Variants in PTPN5 observed in about 807,000 individuals in gnomAD.
The protein encoded by PTPN5 is protein tyrosine phosphatase non-receptor type 5, also known as tyrosine-protein phosphatase non-receptor type 5.
In PTPN5, 29 loss-of-function variants were observed where a neutral mutation model predicts 73.9. That is an observed-to-expected ratio of 0.39 (90% CI 0.29 to 0.54). The LOEUF is 0.54. Among genes scored for constraint, PTPN5 ranks in the 20% least tolerant of loss-of-function variants. PTPN5 has a pLI of 0.65. For missense variants in PTPN5, 652 were observed against 751.4 expected (o/e 0.87, Z 1.55); for synonymous variants, 267 against 304.7 (o/e 0.88, Z 1.29).
chr11:18,785,928 A>G lies in PTPN5; in HGVS notation c.-114+5597T>C, dbSNP rs142295629. Among the ~76,000 whole-genome samples the G allele has an allele frequency of 6.1e-3, 934 of 152,314 alleles. 3 individuals carry two copies. The highest frequency in any genetic ancestry group is 0.02 in the Middle Eastern group (6 of 294). ...CTTGTTCCCTTACAAATCTGCAAAC[A>G]GTGGATCTCCCGCATCTGGTGTGAG... On this transcript the variant is annotated intron_variant, in intron 1 of 14. Coordinates refer to ENST00000358540, the MANE Select transcript of PTPN5 (RefSeq NM_006906.2).
chr11:18,772,126 G>A (rs898079442), intron 1 of PTPN5, 55 bp from the exon 2 acceptor site: 34 of 552,970 alleles, frequency 6.1e-5, no homozygotes, highest in Admixed American at 2.1e-4. Context: ...CACACAGTGT[G>A]CCAACAATTT....
At chr11:18,769,892 C>A (rs1850801013) in intron 2 of PTPN5, among the ~76,000 whole-genome samples, 1 of 152,092 alleles carries the variant, frequency 6.6e-6, no homozygotes, top group Admixed American at 6.6e-5. Flanking sequence ...GGCACGTGGG[C>A]AAGAAGCAGC....
At chr11:18,739,046 C>T (rs563671328) in intron 8 of PTPN5, among the ~76,000 whole-genome samples, 2 of 152,128 alleles carry the variant, frequency 1.3e-5, no homozygotes, top group East Asian at 3.9e-4. Flanking sequence ...ACTCTCCATG[C>T]CTCTTGCCTC....
At chr11:18,786,241 C>A (rs1168471888) in intron 1 of PTPN5, among the ~76,000 whole-genome samples, 4 of 151,542 alleles carry the variant, frequency 2.6e-5, no homozygotes, top group African/African-American at 9.7e-5. Flanking sequence ...CTCGCTCTTT[C>A]GCCCAGGCTG....
chr11:18,786,314 T>A (rs1851667412), intron 1 of PTPN5, among the ~76,000 whole-genome samples: 1 of 152,138 alleles, frequency 6.6e-6, no homozygotes, highest in Non-Finnish European at 1.5e-5. Context: ...GCCATTCTCC[T>A]GCCTCAGCCT....
At chr11:18,743,773 T>A (rs1032367959) in intron 4 of PTPN5, 1 of 581,044 alleles carries the variant, frequency 1.7e-6, no homozygotes, top group Non-Finnish European at 3.0e-6. Context: ...GGAGGCCCTG[T>A]GTTCTGGATT....
chr11:18,738,217 T>C (rs914430649), intron 8 of PTPN5, among the ~76,000 whole-genome samples: 4 of 152,176 alleles, frequency 2.6e-5, no homozygotes, highest in African/African-American at 9.7e-5. Flanking sequence ...AGACAGTCAA[T>C]AAATAGCTGA....
intron 9 of PTPN5, among the ~76,000 whole-genome samples, chr11:18,736,948 G>A (rs576217125): frequency 2.4e-4 from 36 of 152,244 alleles, no homozygotes; most frequent in East Asian, 9.6e-4. Flanking sequence ...TTGTTTAACC[G>A]GAACTACCTA....
chr11:18,762,789 T>C (rs530837884), intron 3 of PTPN5, among the ~76,000 whole-genome samples: 56 of 152,300 alleles, frequency 3.7e-4, no homozygotes, highest in South Asian at 2.7e-3. Context: ...TGCTATATTG[T>C]GAATGGGGGG....
Position 18,742,984 on chromosome 11 carries a change from C to T in PTPN5, c.483+8G>A, listed in dbSNP as rs1407352478. ...CAGCCTTGAGGTTGGGGTCAGGAGG[C>T]GCCTTACCAGGGTGGTAACGAGGAC... On this transcript the variant is annotated splice_region_variant and intron_variant, in intron 6 of 14. Coordinates refer to ENST00000358540, the MANE Select transcript of PTPN5 (RefSeq NM_006906.2). This position sits in a 1 kb window ranked among gnomAD's most constrained non-coding sequence, Gnocchi z 4.1. The T allele has an allele frequency of 1.0e-5, 16 of 1,543,346 alleles. No individual in the cohort carries two copies. Among genetic ancestry groups the T allele is most frequent in the East Asian group, 2.4e-5 (1 of 40,868 alleles).
At chr11:18,756,186 T>C (rs1850125066) in intron 3 of PTPN5, among the ~76,000 whole-genome samples, 1 of 152,064 alleles carries the variant, frequency 6.6e-6, no homozygotes. Context: ...GCTTCTCATC[T>C]GTATTTTAAA....
rs372302575 is a variant in PTPN5, at chr11:18,733,228, T to A, written c.1218+7A>T. ...CAGACACTTAGAATGGGGACGGGGG[T>A]CCCTACCTCGTTCATCTCCTCGATG... On this transcript the variant is annotated splice_region_variant and intron_variant, in intron 11 of 14. Coordinates refer to ENST00000358540, the MANE Select transcript of PTPN5 (RefSeq NM_006906.2). This position sits in a 1 kb window ranked among gnomAD's most constrained non-coding sequence, Gnocchi z 4.3. The A allele has an allele frequency of 1.7e-4, 274 of 1,608,850 alleles. 1 individual carries two copies. The South Asian group carries it at 1.7e-3, about 10-fold the overall frequency.
chr11:18,783,418 C>T (rs948659085), intron 1 of PTPN5, among the ~76,000 whole-genome samples: 4 of 152,240 alleles, frequency 2.6e-5, no homozygotes, highest in Non-Finnish European at 4.4e-5. Context: ...AAAATACTCA[C>T]CTGACCCCTG....
chr11:18,781,639 G>A (rs1320853482), intron 1 of PTPN5, among the ~76,000 whole-genome samples: 1 of 151,970 alleles, frequency 6.6e-6, no homozygotes, highest in Admixed American at 6.5e-5. Flanking sequence ...TCCAGGGGGT[G>A]GTTCAGAATA....
chr11:18,769,323 C>T lies in PTPN5; in HGVS notation c.20+2616G>A, dbSNP rs181688255. ...ATGCATGTGACCATCCTGGGGAAGG[C>T]TCTGCTCATTTGTGGGAGGGGCAAG... On this transcript the variant is annotated intron_variant, in intron 2 of 14. Coordinates refer to ENST00000358540, the MANE Select transcript of PTPN5 (RefSeq NM_006906.2). Among the ~76,000 whole-genome samples, 1,202 of 152,238 alleles carry T rather than the reference C, an allele frequency of 7.9e-3. 12 individuals are homozygous for T. Among genetic ancestry groups the T allele is most frequent in the Non-Finnish European group, 9.2e-3 (624 of 68,024 alleles).
intron 2 of PTPN5, among the ~76,000 whole-genome samples, chr11:18,766,692 A>T (rs1850659977): frequency 1.3e-5 from 2 of 152,148 alleles, no homozygotes; most frequent in African/African-American, 4.8e-5. Flanking sequence ...TCTTGAGAGT[A>T]GACATATCTT....
At chr11:18,775,830 T>A (rs1287927928) in intron 1 of PTPN5, among the ~76,000 whole-genome samples, 1 of 152,170 alleles carries the variant, frequency 6.6e-6, no homozygotes, top group Admixed American at 6.5e-5. Flanking sequence ...CCTGTCAGGT[T>A]TAACGAGGCA....
chr11:18,760,240 G>A (rs898422820), intron 3 of PTPN5, among the ~76,000 whole-genome samples: 1 of 152,176 alleles, frequency 6.6e-6, no homozygotes, highest in African/African-American at 2.4e-5. Context: ...GTTGGCTACT[G>A]GTCCAAGACC....
intron 3 of PTPN5, among the ~76,000 whole-genome samples, chr11:18,762,572 TC>T (rs1437939147): frequency 6.6e-6 from 1 of 152,084 alleles, no homozygotes; most frequent in Non-Finnish European, 1.5e-5. Context: ...TTCTTTCCCA[TC>T]CCCCTCTTCA....
Sources: allele counts gnomAD v4.1 joint callset (sites outside exome capture counted in the v4.1 genomes callset), GRCh38; gene constraint gnomAD v4.1.1; non-coding constraint Gnocchi (gnomAD v3.1); transcripts MANE v1.5; gene names NCBI Gene and HGNC (gene_info 2026-07-23, HGNC 2026-07-21).